The following PCDHAC1 variants were observed in gnomAD, a reference collection of about 807,000 sequenced individuals.
The protein encoded by PCDHAC1 is protocadherin alpha-C1.
In PCDHAC1, 42 loss-of-function variants were observed where a neutral mutation model predicts 60.0. That is an observed-to-expected ratio of 0.70 (90% CI 0.55 to 0.90). The LOEUF is 0.90. Among genes scored for constraint, PCDHAC1 ranks in the 40% least tolerant of loss-of-function variants. PCDHAC1 has a pLI of 0.00. For missense variants in PCDHAC1, 1,160 were observed against 1,222.3 expected (o/e 0.95, Z 0.76); for synonymous variants, 468 against 499.3 (o/e 0.94, Z 0.84).
At chr5:140,990,288 C>T (rs537252814) in intron 3 of PCDHAC1, among the ~76,000 whole-genome samples, 1 of 152,226 alleles carries the variant, frequency 6.6e-6, no homozygotes, top group South Asian at 2.1e-4. Context: ...TTGAGATTAT[C>T]GATGCCATTG....
chr5:140,977,890 A>C (rs1554238866), intron 1 of PCDHAC1, among the ~76,000 whole-genome samples: 3 of 152,234 alleles, frequency 2.0e-5, no homozygotes, highest in Non-Finnish European at 4.4e-5. Flanking sequence ...AGGAAAATAC[A>C]AAATACAACT....
At chr5:140,936,512 A>G (rs575884793) in intron 1 of PCDHAC1, among the ~76,000 whole-genome samples, 1 of 152,324 alleles carries the variant, frequency 6.6e-6, no homozygotes, top group Non-Finnish European at 1.5e-5. Context: ...TAGATCTTAA[A>G]TTACCTGAAA....
intron 2 of PCDHAC1, among the ~76,000 whole-genome samples, chr5:140,981,439 T>C (rs1468864699): frequency 6.6e-6 from 1 of 152,128 alleles, no homozygotes; most frequent in Non-Finnish European, 1.5e-5. Flanking sequence ...CCAGGCATGG[T>C]GGCGGGTGCC....
intron 1 of PCDHAC1, among the ~76,000 whole-genome samples, chr5:140,973,346 T>C (rs1554235179): frequency 1.3e-5 from 2 of 152,198 alleles, no homozygotes; most frequent in Non-Finnish European, 2.9e-5. Flanking sequence ...AGTGACATAG[T>C]AGTGAATTTA....
At chr5:140,960,303 C>G (rs2095539243) in intron 1 of PCDHAC1, among the ~76,000 whole-genome samples, 1 of 152,132 alleles carries the variant, frequency 6.6e-6, no homozygotes, top group African/African-American at 2.4e-5. Context: ...TTCATCAATA[C>G]CAACCTCATT....
Position 141,010,424 on chromosome 5 carries a change from C to A in PCDHAC1, c.*487C>A. ...CTTAGACTAATTGGTACAAGGAAGGCAAGAAAACAAAGACAAATAAACAGC... is the reference window on the plus strand; with the variant it reads ...CTTAGACTAATTGGTACAAGGAAGGAAAGAAAACAAAGACAAATAAACAGC... On this transcript the variant is annotated 3_prime_UTR_variant, in exon 4 of 4. Transcript: ENST00000253807. The A allele has an allele frequency of 9.0e-7, 1 of 1,113,698 alleles. No homozygotes were observed. The highest frequency in any genetic ancestry group is 1.2e-6 in the Non-Finnish European group (1 of 808,116). 69.0% of individuals were successfully genotyped at this position (1,113,698 alleles called of 1,614,324 possible). A position where few individuals can be genotyped will look rare whatever the true frequency, so the allele number is the denominator to read the frequency against.
intron 1 of PCDHAC1, among the ~76,000 whole-genome samples, chr5:140,965,818 A>G (rs1554227859): frequency 2.6e-5 from 4 of 152,344 alleles, no homozygotes; most frequent in African/African-American, 9.6e-5. Flanking sequence ...AGAGCATTTT[A>G]AACATTTAAA....
At chr5:140,937,085 T>G (rs1386368270) in intron 1 of PCDHAC1, among the ~76,000 whole-genome samples, 2 of 150,536 alleles carry the variant, frequency 1.3e-5, no homozygotes, top group African/African-American at 4.9e-5. Context: ...TCGCCCAGGC[T>G]GGAGTGCAGT....
intron 1 of PCDHAC1, among the ~76,000 whole-genome samples, chr5:140,956,002 C>T (rs2095246908): frequency 6.6e-6 from 1 of 152,124 alleles, no homozygotes; most frequent in Admixed American, 6.5e-5. Context: ...GATTTTGTAT[C>T]CTGAGACTTT....
chr5:140,964,785 C>T (rs890090665), intron 1 of PCDHAC1, among the ~76,000 whole-genome samples: 2 of 151,408 alleles, frequency 1.3e-5, no homozygotes, highest in East Asian at 3.9e-4. Context: ...GAGGAAGAAG[C>T]CAGAGACCCA....
intron 1 of PCDHAC1, among the ~76,000 whole-genome samples, chr5:140,942,008 T>C (rs155814): frequency 0.3 from 44,965 of 152,110 alleles, 7,230 homozygotes; most frequent in East Asian, 0.53. Flanking sequence ...CTCTTATTAT[T>C]AATTTTGGGA....
In PCDHAC1 at chr5:140,926,575, C is replaced by T; in HGVS notation, c.-318C>T. On this transcript the variant is annotated 5_prime_UTR_variant, in exon 1 of 4. Coordinates refer to ENST00000253807, the MANE Select transcript of PCDHAC1 (RefSeq NM_018898.5). ...CCCAGCCCGCTGCTACTGGAGACAGCACCTCTCGCGCCCGGGCGGGCGGCC... is the reference window on the plus strand; with the variant it reads ...CCCAGCCCGCTGCTACTGGAGACAGTACCTCTCGCGCCCGGGCGGGCGGCC... 1 of 273,448 alleles carries T rather than the reference C, an allele frequency of 3.7e-6. No individual in the cohort carries two copies. The highest frequency in any genetic ancestry group is 6.8e-6 in the Non-Finnish European group (1 of 147,802). The allele number at this position is 273,448 out of a possible 1,614,324, so 16.9% of individuals were successfully genotyped here.
intron 3 of PCDHAC1, among the ~76,000 whole-genome samples, chr5:140,990,502 A>T (rs1303617067): frequency 6.6e-6 from 1 of 152,164 alleles, no homozygotes; most frequent in African/African-American, 2.4e-5. Context: ...ACATTCCCCA[A>T]GTCTTCTCTC....
intron 1 of PCDHAC1, chr5:140,967,981 G>C: frequency 6.2e-7 from 1 of 1,614,202 alleles, no homozygotes; most frequent in Non-Finnish European, 8.5e-7. Flanking sequence ...TGGGTCTGGA[G>C]GCCACACTGC....
Position 140,928,401 on chromosome 5 carries a change from C to T in PCDHAC1, c.1509C>T (p.Ser503=). 6.2e-7 allele frequency: 1 copy of T among 1,614,028 alleles called. No individual in the cohort carries two copies. The highest frequency in any genetic ancestry group is 8.5e-7 in the Non-Finnish European group (1 of 1,179,968). ...CTAGCTTGCTGGCAGTGGAATCATC[C>T]AGTGGGGCCATCACTGCCAAAACTT... ...SASSLLAVES[S]SGAITAKTSF... is the part of the protein sequence containing the mutation. The change falls in exon 1 of 4, where the codon TCC becomes TCT. Residue 503 remains serine (S), a synonymous_variant. Transcript: ENST00000253807.
At chr5:140,931,793 A>C (rs979670484) in intron 1 of PCDHAC1, among the ~76,000 whole-genome samples, 33 of 151,972 alleles carry the variant, frequency 2.2e-4, no homozygotes, top group African/African-American at 7.7e-4. Context: ...TATTGATCTG[A>C]TCTTAATTCT....
intron 1 of PCDHAC1, chr5:140,967,899 C>G: frequency 6.2e-7 from 1 of 1,614,180 alleles, no homozygotes; most frequent in African/African-American, 1.3e-5. Flanking sequence ...CCTGAGAATG[C>G]TACACCCAAC....
At chr5:140,995,557 A>G (rs1032736761) in intron 3 of PCDHAC1, among the ~76,000 whole-genome samples, 2 of 152,252 alleles carry the variant, frequency 1.3e-5, no homozygotes, top group African/African-American at 2.4e-5. Flanking sequence ...ACTGTACTGA[A>G]TAATATGTCA....
intron 1 of PCDHAC1, among the ~76,000 whole-genome samples, chr5:140,937,158 C>T (rs969335051): frequency 2.6e-5 from 4 of 151,874 alleles, no homozygotes; most frequent in Non-Finnish European, 4.4e-5. Context: ...CTGCCTCAGC[C>T]TCCCGAGTAG....
Sources: allele counts gnomAD v4.1 joint callset (sites outside exome capture counted in the v4.1 genomes callset), GRCh38; gene constraint gnomAD v4.1.1; transcripts MANE v1.5; gene names NCBI Gene and HGNC (gene_info 2026-07-23, HGNC 2026-07-21).